Variants in HNF1B observed in about 807,000 individuals in gnomAD.
HNF1B encodes the protein hepatocyte nuclear factor 1-beta.
In HNF1B, 8 loss-of-function variants were observed where a neutral mutation model predicts 61.7. The ratio of observed to expected loss-of-function variants is 0.13; its 90% CI spans 0.08 to 0.23. HNF1B has a LOEUF of 0.23. HNF1B is among the 10% of genes least tolerant of loss of function. The pLI is 1.00. For synonymous variants in HNF1B, 314 were observed against 287.7 expected, an observed-to-expected ratio of 1.09 and a Z score of -0.93; for missense variants, 562 against 714.5, an observed-to-expected ratio of 0.79 and a Z score of 2.43.
At chr17:37,727,269 G>A (rs993034661) in intron 4 of HNF1B, among the ~76,000 whole-genome samples, 1 of 152,156 alleles carries the variant, frequency 6.6e-6, no homozygotes, top group African/African-American at 2.4e-5. Flanking sequence ...CTTCAGAATG[G>A]GCTGTCATGG....
chr17:37,709,790 T>C (rs563345337), intron 5 of HNF1B, among the ~76,000 whole-genome samples: 2 of 152,186 alleles, frequency 1.3e-5, no homozygotes, highest in East Asian at 3.9e-4. Context: ...CCCCACCAAG[T>C]CTATTGTTAC....
In HNF1B at chr17:37,724,930, G is replaced by GTA. The variant is rs1361783363; in HGVS notation, c.1045+6664_1045+6665insTA. Among the ~76,000 whole-genome samples the GTA allele has an allele frequency of 1.6e-4, 20 of 122,704 alleles. 1 individual carries two copies. The highest frequency in any genetic ancestry group is 7.0e-4 in the African/African-American group (17 of 24,430). 80.5% of individuals were successfully genotyped at this position (122,704 alleles called of 152,430 possible). ...TGTGTGTGTGTGTGTGTGTGTGTGT[G>GTA]TGTGTGTATATATATATAATACATA... is the stretch of plus-strand genomic sequence containing the variant. On this transcript the variant is annotated intron_variant, in intron 4 of 8. Transcript: ENST00000617811.
At chr17:37,708,910 A>G (rs1426064870) in intron 5 of HNF1B, among the ~76,000 whole-genome samples, 1 of 152,118 alleles carries the variant, frequency 6.6e-6, no homozygotes, top group East Asian at 1.9e-4. Flanking sequence ...TCCTCCAGGG[A>G]GCCAGGGACT....
intron 2 of HNF1B, among the ~76,000 whole-genome samples, chr17:37,738,123 T>G (rs1184479751): frequency 6.6e-6 from 1 of 152,206 alleles, no homozygotes. Flanking sequence ...CCTGAGAATT[T>G]TTTTAGGCTT....
At chr17:37,742,269 C>G (rs1333363794) in intron 1 of HNF1B, among the ~76,000 whole-genome samples, 3 of 152,234 alleles carry the variant, frequency 2.0e-5, no homozygotes, top group African/African-American at 7.2e-5. Flanking sequence ...TAGACGCCCC[C>G]GGCGCACCTG....
chr17:37,717,794 G>A (rs1188534851), intron 4 of HNF1B, among the ~76,000 whole-genome samples: 1 of 152,218 alleles, frequency 6.6e-6, no homozygotes, highest in Non-Finnish European at 1.5e-5. Context: ...TAGCATTGCT[G>A]CCTCAGTTTC....
chr17:37,720,791 C>T, intron 4 of HNF1B: 1 of 985,302 alleles, frequency 1.0e-6, no homozygotes, highest in Non-Finnish European at 1.2e-6. Flanking sequence ...TACATACATA[C>T]AGAGCAAGGT....
intron 6 of HNF1B, among the ~76,000 whole-genome samples, chr17:37,704,613 CT>C (rs2032679135): frequency 6.6e-6 from 1 of 152,188 alleles, no homozygotes; most frequent in Non-Finnish European, 1.5e-5. Flanking sequence ...CAGTTGATCA[CT>C]TTAACAACCT....
At position 37,710,516 on chromosome 17, in the gene HNF1B, G is replaced by C; in HGVS notation, c.1193C>G (p.Pro398Arg). Residue 398 changes from proline to arginine, a missense_variant, in exon 5 of 9, where the codon CCT becomes CGT. Physicochemically the swap from Pro to Arg is moderately radical, Grantham distance 103. This residue lies in a region of HNF1B where 211 missense variants were observed against 200.7 expected (regional missense o/e 1.05). Coordinates refer to ENST00000617811, the MANE Select transcript of HNF1B (RefSeq NM_000458.4). Reference protein sequence around the residue: ...SLDPGHNLLSPDGKMISVSGG... With the variant: ...SLDPGHNLLSRDGKMISVSGG... ...AGGTGTACTCACCATTTTACCATCA[G>C]GTGAGAGGAGATTGTGGCCTGGGTC... The C allele has an allele frequency of 6.2e-7, 1 of 1,614,202 alleles. No homozygotes were observed. The highest frequency in any genetic ancestry group is 8.5e-7 in the Non-Finnish European group (1 of 1,180,036).
rs149314914 is a variant in HNF1B at position 37,743,443 on chromosome 17, A to C, written c.344+1098T>G. 5.9e-5 allele frequency among the ~76,000 whole-genome samples: 9 copies of C among 152,344 alleles called. No homozygotes were observed. The East Asian group carries it at 1.7e-3, about 29-fold the overall frequency. ...AAGTGTGTTTGGGGAAAAAAAATCT[A>C]CAAGTTCCCCTGATTGTTTTGGCTA... On this transcript the variant is annotated intron_variant, in intron 1 of 8. Coordinates refer to ENST00000617811, the MANE Select transcript of HNF1B (RefSeq NM_000458.4).
At chr17:37,696,682 A>G (rs2032396903) in intron 8 of HNF1B, among the ~76,000 whole-genome samples, 1 of 152,226 alleles carries the variant, frequency 6.6e-6, no homozygotes, top group African/African-American at 2.4e-5. Context: ...AAGCAAACAG[A>G]CATCGCTATA....
chr17:37,710,363 C>T (rs2032890710), intron 5 of HNF1B, 140 bp downstream of exon 5: 2 of 1,147,830 alleles, frequency 1.7e-6, no homozygotes, highest in East Asian at 2.4e-5. Context: ...ACTACCTCTC[C>T]TTTCCGACTC....
intron 1 of HNF1B, among the ~76,000 whole-genome samples, chr17:37,743,521 C>T (rs1264738874): frequency 2.6e-5 from 4 of 152,252 alleles, no homozygotes; most frequent in Admixed American, 6.5e-5. Flanking sequence ...AGGTCATATC[C>T]CACCCCAAAC....
intron 4 of HNF1B, among the ~76,000 whole-genome samples, chr17:37,715,485 T>C (rs956456250): frequency 1.3e-5 from 2 of 152,198 alleles, no homozygotes; most frequent in East Asian, 1.9e-4. Context: ...AATTTCACAT[T>C]TGGAAAACAC....
chr17:37,731,599 C>T lies in HNF1B; in HGVS notation c.1041G>A (p.Leu347=). 1 of 1,611,588 alleles carries T rather than the reference C, an allele frequency of 6.2e-7. No homozygotes were observed. The highest frequency in any genetic ancestry group is 1.1e-5 in the South Asian group (1 of 90,658). ...TGAGGCCCAACCTTTGCTTACCTGACAGCTTGTTTGGAGGAGAGGAGCTGG... is the reference window on the plus strand; with the variant it reads ...TGAGGCCCAACCTTTGCTTACCTGATAGCTTGTTTGGAGGAGAGGAGCTGG... ...HQPSSSPPNK[L]SGVRYSQQGN... is the part of the protein sequence containing the mutation. Residue 347 remains leucine (L), a synonymous_variant, in exon 4 of 9, where the codon CTG becomes CTA. Transcript: ENST00000617811.
chr17:37,732,882 TG>T (rs1302425527), intron 3 of HNF1B, among the ~76,000 whole-genome samples: 9 of 151,068 alleles, frequency 6.0e-5, no homozygotes, highest in Non-Finnish European at 1.2e-4. Flanking sequence ...GGTTTCACCA[TG>T]TTGCCCAGGC....
chr17:37,717,378 C>T (rs2033159682), intron 4 of HNF1B, among the ~76,000 whole-genome samples: 1 of 151,802 alleles, frequency 6.6e-6, no homozygotes, highest in Admixed American at 6.6e-5. Context: ...CATTCTTCCC[C>T]TGTGTTTCTA....
chr17:37,713,944 G>GCT (rs1316964195), intron 4 of HNF1B, among the ~76,000 whole-genome samples: 1 of 152,204 alleles, frequency 6.6e-6, no homozygotes, highest in East Asian at 1.9e-4. Flanking sequence ...AGGAAGGAGA[G>GCT]GCCAGTCCTC....
intron 8 of HNF1B, among the ~76,000 whole-genome samples, chr17:37,689,146 CAAA>C (rs71368464): frequency 2.3e-3 from 144 of 62,396 alleles, no homozygotes; most frequent in African/African-American, 7.6e-3. Context: ...CTTGGTCTCA[CAAA>C]AAAAAAAAAA....
Sources: gnomAD v4.1 joint callset for allele counts (sites outside exome capture counted in the v4.1 genomes callset) on GRCh38, gnomAD v4.1.1 for gene constraint, gnomAD v4.1.1 regional missense constraint, MANE v1.5 for transcripts, NCBI Gene and HGNC (gene_info 2026-07-23, HGNC 2026-07-21) for gene names.